The following SDC3 variants were observed in gnomAD, a reference collection of about 807,000 sequenced individuals.
SDC3 encodes the protein syndecan 3.
In SDC3, 13 loss-of-function variants were observed where a neutral mutation model predicts 24.4. The observed-to-expected ratio is 0.53, with a 90% CI of 0.35 to 0.85. SDC3 has a LOEUF of 0.85. SDC3 is among the 40% of genes least tolerant of loss of function. The pLI, the probability that SDC3 is intolerant of heterozygous loss-of-function variation, is 0.01. For synonymous variants in SDC3, 295 were observed against 260.9 expected (o/e 1.13, Z -1.26); for missense variants, 571 against 584.5 (o/e 0.98, Z 0.24).
Position 30,870,071 on chromosome 1 carries a change from A to C in SDC3, c.*3140T>G, listed in dbSNP as rs951920516. 3.8e-5 allele frequency: 15 copies of C among 396,680 alleles called. No homozygotes were observed. Among genetic ancestry groups the C allele is most frequent in the Non-Finnish European group, 5.8e-5 (13 of 225,484 alleles). 24.6% of individuals were successfully genotyped at this position (396,680 alleles called of 1,614,324 possible). A position where few individuals can be genotyped will look rare whatever the true frequency, so the allele number is the denominator to read the frequency against. ...CAGGGTTGTAGTTGTTGGGAGAAGA[A>C]ATCCAGAGAACACAGGAGGCAGCCA... On this transcript the variant is annotated 3_prime_UTR_variant, in exon 5 of 5. Coordinates refer to ENST00000339394, the MANE Select transcript of SDC3 (RefSeq NM_014654.4).
At chr1:30,873,843 C>T (rs1266775485) in intron 4 of SDC3, among the ~76,000 whole-genome samples, 3 of 152,132 alleles carry the variant, frequency 2.0e-5, no homozygotes, top group Non-Finnish European at 4.4e-5. Flanking sequence ...AAGTACCTTG[C>T]CTTGAGTGCA....
Position 30,882,566 on chromosome 1 carries a change from C to A in SDC3, c.139-3826G>T, listed in dbSNP as rs1639761753. 2.0e-5 allele frequency among the ~76,000 whole-genome samples: 3 copies of A among 152,160 alleles called. No individual in the cohort carries two copies. The South Asian group carries it at 6.2e-4, about 32-fold the overall frequency. Reference sequence around the variant, plus strand: ...CCCAGCCCCCTCCCTCCCAGGAGCACCCCATCAGGGCTGTGATGGGTGAGG... The same window carrying A: ...CCCAGCCCCCTCCCTCCCAGGAGCAACCCATCAGGGCTGTGATGGGTGAGG... On this transcript the variant is annotated intron_variant, in intron 1 of 4. Transcript: ENST00000339394.
chr1:30,906,873 ATCCCTCCCAGGGACC>A, intron 1 of SDC3, among the ~76,000 whole-genome samples: 1 of 152,228 alleles, frequency 6.6e-6, no homozygotes, highest in Non-Finnish European at 1.5e-5. Context: ...CTGGGTCTCT[ATCCCTCCCAGGGACC>A]TCTTCCTCTC....
At chr1:30,876,502 CTG>C in intron 3 of SDC3, 48 bp downstream of exon 3, 1 of 1,439,900 alleles carries the variant, frequency 6.9e-7, no homozygotes, top group Non-Finnish European at 9.3e-7. Context: ...CATCCCTCCC[CTG>C]ACCCACCCTC....
At position 30,872,824 on chromosome 1, in the gene SDC3, C is replaced by CAT; in HGVS notation, c.*386_*387insAT. On this transcript the variant is annotated 3_prime_UTR_variant, in exon 5 of 5. Coordinates refer to ENST00000339394, the MANE Select transcript of SDC3 (RefSeq NM_014654.4). ...AAACCAGCCTGAGTGCCTCTCTGCC[C>CAT]CAAAAAGGAGATCTCAGTGAGCACT... The CAT allele has an allele frequency of 4.6e-6, 1 of 217,026 alleles. No homozygotes were observed. The highest frequency in any genetic ancestry group is 9.2e-6 in the Non-Finnish European group (1 of 108,476). 13.4% of individuals were successfully genotyped at this position (217,026 alleles called of 1,614,324 possible). A position where few individuals can be genotyped will look rare whatever the true frequency, so the allele number is the denominator to read the frequency against.
At chr1:30,887,853 G>A (rs560519157) in intron 1 of SDC3, among the ~76,000 whole-genome samples, 1 of 152,288 alleles carries the variant, frequency 6.6e-6, no homozygotes, top group South Asian at 2.1e-4. Context: ...CCCAAGGCAG[G>A]CCCTGCTCTT....
chr1:30,887,560 G>A (rs534006835), intron 1 of SDC3, among the ~76,000 whole-genome samples: 10 of 152,068 alleles, frequency 6.6e-5, no homozygotes, highest in South Asian at 2.1e-4. Context: ...ACGTCCCCAC[G>A]TGCCCAGCTA....
At chr1:30,884,456 A>G (rs1163470270) in intron 1 of SDC3, among the ~76,000 whole-genome samples, 2 of 152,100 alleles carry the variant, frequency 1.3e-5, no homozygotes, top group Non-Finnish European at 2.9e-5. Flanking sequence ...TCCTCTGCAA[A>G]GATATCATGG....
intron 1 of SDC3, chr1:30,878,990 C>A (rs1444000159): frequency 2.1e-6 from 1 of 484,288 alleles, no homozygotes; most frequent in Non-Finnish European, 3.7e-6. Flanking sequence ...AGAAACTGGT[C>A]ATTTTTCATC....
At chr1:30,874,632 G>A (rs774681886) in intron 3 of SDC3, 44 bp from the exon 4 acceptor site, 16 of 1,572,936 alleles carry the variant, frequency 1.0e-5, no homozygotes, top group Non-Finnish European at 1.3e-5. Context: ...ACACATGCAT[G>A]CATAACCCCC....
intron 1 of SDC3, among the ~76,000 whole-genome samples, chr1:30,900,291 CAGT>C (rs1236226552): frequency 6.6e-6 from 1 of 152,210 alleles, no homozygotes; most frequent in Non-Finnish European, 1.5e-5. Flanking sequence ...TGACATGCAG[CAGT>C]AAGTATTGGC....
intron 1 of SDC3, among the ~76,000 whole-genome samples, chr1:30,897,726 C>A (rs1638301183): frequency 1.3e-5 from 2 of 152,178 alleles, no homozygotes; most frequent in South Asian, 4.1e-4. Context: ...ATTCAAATCC[C>A]AGCTGGGCCA....
Position 30,878,735 on chromosome 1 carries a change from C to A in SDC3, c.144G>T (p.Gln48His). 6.2e-7 allele frequency: 1 copy of A among 1,614,130 alleles called. No homozygotes were observed. The highest frequency in any genetic ancestry group is 8.5e-7 in the Non-Finnish European group (1 of 1,179,934). Residue 48 changes from glutamine (Q) to histidine (H), a missense_variant, in exon 2 of 5, where the codon CAG (glutamine) becomes CAT (histidine). Physicochemically the swap from Gln to His is conservative, Grantham distance 24 (BLOSUM62 0). Transcript: ENST00000339394. ...TCTCGAAGTTCTCACTGCGCCAGCG[C>A]TGGGCCTAGGGAAGGTAGAGGTGGA... ...LLLAGRAAGA[Q>H]RWRSENFERP... is the part of the protein sequence containing the mutation.
chr1:30,886,266 TAAGCTCCTACTGTGTGCC>T (rs1359506379), intron 1 of SDC3, among the ~76,000 whole-genome samples: 1 of 152,112 alleles, frequency 6.6e-6, no homozygotes, highest in African/African-American at 2.4e-5. Context: ...CAATGGTTAT[TAAGCTCCTACTGTGTGCC>T]AAGCACCATC....
intron 1 of SDC3, among the ~76,000 whole-genome samples, chr1:30,882,267 C>A (rs562719430): frequency 6.6e-6 from 1 of 152,246 alleles, no homozygotes; most frequent in Non-Finnish European, 1.5e-5. Flanking sequence ...ACACACACAT[C>A]GGGATGAAAT....
chr1:30,887,489 G>T (rs890662962), intron 1 of SDC3, among the ~76,000 whole-genome samples: 15 of 152,084 alleles, frequency 9.9e-5, no homozygotes, highest in South Asian at 4.2e-4. Flanking sequence ...TAGGCACTGG[G>T]ACATGACACT....
intron 1 of SDC3, among the ~76,000 whole-genome samples, chr1:30,890,506 G>A (rs1390443498): frequency 2.6e-5 from 4 of 152,200 alleles, no homozygotes; most frequent in Non-Finnish European, 5.9e-5. Flanking sequence ...GGAGAAACAA[G>A]GAGCAACTGT....
intron 2 of SDC3, chr1:30,877,483 C>T: frequency 1.8e-6 from 1 of 564,696 alleles, no homozygotes; most frequent in South Asian, 2.4e-5. Flanking sequence ...TGAGGCGCTA[C>T]TGGCTGCAAA....
At position 30,870,199 on chromosome 1, in the gene SDC3, A is replaced by C; in HGVS notation, c.*3012T>G. ...AACCCCAGGGGGGTTTGGCCCACACACCCTAAGCCCTGCCCAGCCCTGGTT... is the reference window on the plus strand; with the variant it reads ...AACCCCAGGGGGGTTTGGCCCACACCCCCTAAGCCCTGCCCAGCCCTGGTT... On this transcript the variant is annotated 3_prime_UTR_variant, in exon 5 of 5. Coordinates refer to ENST00000339394, the MANE Select transcript of SDC3 (RefSeq NM_014654.4). 1 of 310,634 alleles carries C rather than the reference A, an allele frequency of 3.2e-6. No individual in the cohort carries two copies. The highest frequency in any genetic ancestry group is 5.8e-6 in the Non-Finnish European group (1 of 170,994). 19.2% of individuals were successfully genotyped at this position (310,634 alleles called of 1,614,324 possible). A position where few individuals can be genotyped will look rare whatever the true frequency, so the allele number is the denominator to read the frequency against.
Sources: gnomAD v4.1 joint callset for allele counts (sites outside exome capture counted in the v4.1 genomes callset) on GRCh38, gnomAD v4.1.1 for gene constraint, MANE v1.5 for transcripts, NCBI Gene and HGNC (gene_info 2026-07-23, HGNC 2026-07-21) for gene names.